Variants in VWA3B observed in about 807,000 individuals in gnomAD.
VWA3B encodes von Willebrand factor A domain containing 3B.
In VWA3B, 138 loss-of-function variants were observed where a neutral mutation model predicts 158.3. The observed-to-expected ratio is 0.87, with a 90% confidence interval of 0.76 to 1.00. VWA3B has a LOEUF of 1.00. VWA3B is among the 50% of genes least tolerant of loss of function. The pLI, the probability that VWA3B is intolerant of heterozygous loss-of-function variation, is 0.00. For missense variants in VWA3B, 1,555 were observed against 1,565.1 expected (o/e 0.99, Z 0.11); for synonymous variants, 596 against 587.3 (o/e 1.01, Z -0.21).
rs1410982402 is a variant in VWA3B at position 98,148,280 on chromosome 2, T to C, written c.988+14341T>C. Among the ~76,000 whole-genome samples, 3 of 152,224 alleles carry C rather than the reference T, an allele frequency of 2.0e-5. 1 individual carries two copies. In the East Asian group the frequency reaches 5.8e-4, roughly 29 times the overall value. ...AGCATAAAAATAGTATCTCATTGTT[T>C]CCATCTGAATTTCTTTGATGAAGAA... On this transcript the variant is annotated intron_variant, in intron 7 of 27. Transcript: ENST00000477737.
chr2:98,126,307 C>T (rs1419773833), intron 5 of VWA3B, among the ~76,000 whole-genome samples: 5 of 152,128 alleles, frequency 3.3e-5, no homozygotes, highest in Non-Finnish European at 7.4e-5. Flanking sequence ...GTGCATTGGA[C>T]GTGTGTGGTG....
intron 2 of VWA3B, among the ~76,000 whole-genome samples, chr2:98,112,280 GGGT>G (rs1419573614): frequency 7.4e-5 from 7 of 94,902 alleles, no homozygotes; most frequent in African/African-American, 5.4e-4. Flanking sequence ...TGTCTGTTTG[GGGT>G]GTGTGTGTGT....
intron 23 of VWA3B, among the ~76,000 whole-genome samples, chr2:98,294,490 G>A (rs1689687117): frequency 1.3e-5 from 2 of 152,250 alleles, no homozygotes; most frequent in East Asian, 1.9e-4. Flanking sequence ...TGTGACCAAC[G>A]TTATTCCAGG....
At chr2:98,230,747 G>A (rs2105702330) in intron 16 of VWA3B, among the ~76,000 whole-genome samples, 1 of 152,280 alleles carries the variant, frequency 6.6e-6, no homozygotes, top group East Asian at 1.9e-4. Context: ...TTGGGGGAAA[G>A]GATGCCTACT....
At chr2:98,132,870 T>C (rs2105045183) in intron 6 of VWA3B, among the ~76,000 whole-genome samples, 1 of 152,326 alleles carries the variant, frequency 6.6e-6, no homozygotes, top group East Asian at 1.9e-4. Flanking sequence ...TGAAACCCTT[T>C]GGGAAGAGAC....
chr2:98,109,000 T>C (rs1673916350), intron 2 of VWA3B, among the ~76,000 whole-genome samples: 1 of 150,744 alleles, frequency 6.6e-6, no homozygotes, highest in African/African-American at 2.4e-5. Context: ...TTTTCTTTTT[T>C]TTTTTTTTTG....
rs530263331 is a variant in VWA3B at position 98,306,273 on chromosome 2, T to C, written c.3521+2471T>C. On this transcript the variant is annotated intron_variant, in intron 26 of 27. Transcript: ENST00000477737. Reference sequence around the variant, plus strand: ...AGAAAATTTCCTTTGCATTGGACACTGTAGGCACAAGTCCTTGAAGGTAGG... The same window carrying C: ...AGAAAATTTCCTTTGCATTGGACACCGTAGGCACAAGTCCTTGAAGGTAGG... 3.3e-5 allele frequency among the ~76,000 whole-genome samples: 5 copies of C among 152,212 alleles called. No homozygotes were observed. In the East Asian group the frequency reaches 5.8e-4, roughly 18 times the overall value.
At chr2:98,268,703 T>C (rs1328075723) in intron 21 of VWA3B, among the ~76,000 whole-genome samples, 3 of 151,810 alleles carry the variant, frequency 2.0e-5, no homozygotes, top group Non-Finnish European at 2.9e-5. Flanking sequence ...GCTTTGTAAT[T>C]AGTATATTAA....
chr2:98,277,731 G>A (rs1319447467), intron 22 of VWA3B, among the ~76,000 whole-genome samples: 1 of 152,210 alleles, frequency 6.6e-6, no homozygotes, highest in African/African-American at 2.4e-5. Flanking sequence ...GCAGGCATGG[G>A]CGAGGCTGGA....
intron 20 of VWA3B, among the ~76,000 whole-genome samples, chr2:98,251,857 G>A (rs1686819424): frequency 6.6e-6 from 1 of 152,128 alleles, no homozygotes; most frequent in East Asian, 1.9e-4. Context: ...GAGAGTGGAG[G>A]CCGCCTTACG....
intron 10 of VWA3B, among the ~76,000 whole-genome samples, chr2:98,189,407 A>G (rs539212431): frequency 2.0e-5 from 3 of 152,288 alleles, no homozygotes; most frequent in Non-Finnish European, 4.4e-5. Context: ...TACTTCCCAA[A>G]TATTTGTGGA....
At chr2:98,200,542 CAAAAAAA>C (rs35030422) in intron 12 of VWA3B, among the ~76,000 whole-genome samples, 4 of 93,776 alleles carry the variant, frequency 4.3e-5, no homozygotes, top group Non-Finnish European at 8.9e-5. Context: ...GACTCCATCT[CAAAAAAA>C]AAAAAAAAAA....
intron 14 of VWA3B, among the ~76,000 whole-genome samples, chr2:98,218,692 G>A (rs190377087): frequency 1.3e-5 from 2 of 152,188 alleles, no homozygotes; most frequent in Admixed American, 6.5e-5. Flanking sequence ...CCCTTCTAGG[G>A]TGTGTGTTTT....
At chr2:98,178,955 G>T (rs1680242285) in intron 8 of VWA3B, among the ~76,000 whole-genome samples, 2 of 152,288 alleles carry the variant, frequency 1.3e-5, no homozygotes, top group East Asian at 1.9e-4. Flanking sequence ...GGGCTCCCGT[G>T]GTCCCAGTGG....
At chr2:98,092,966 A>G in intron 1 of VWA3B, 95 bp from the exon 2 acceptor site, 1 of 799,474 alleles carries the variant, frequency 1.3e-6, no homozygotes, top group African/African-American at 1.7e-5. Flanking sequence ...ATTCCACTTC[A>G]TGGGTGTACT....
chr2:98,129,145 G>A (rs1255027066), intron 6 of VWA3B, among the ~76,000 whole-genome samples: 2 of 152,086 alleles, frequency 1.3e-5, no homozygotes, highest in East Asian at 3.9e-4. Flanking sequence ...TCCCCGCCTT[G>A]TAGGCAGCTG....
chr2:98,182,177 T>G (rs1680643805), intron 9 of VWA3B, among the ~76,000 whole-genome samples: 1 of 151,824 alleles, frequency 6.6e-6, no homozygotes, highest in African/African-American at 2.4e-5. Flanking sequence ...GGAAAGAAAA[T>G]CAAGGCCCCC....
chr2:98,316,229 G>A (rs1574338831), downstream of VWA3B, among the ~76,000 whole-genome samples: 1 of 152,288 alleles, frequency 6.6e-6, no homozygotes, highest in East Asian at 1.9e-4. Flanking sequence ...GAAGGCAGTA[G>A]GCAGATTTTT....
Position 98,296,677 on chromosome 2 carries a change from G to A in VWA3B, c.3158-1230G>A, listed in dbSNP as rs773179246. ...CACATGCCGTGGAGCCCAGCGGGAC[G>A]CGTGTGCTCATTTCTGTCTCCAGGA... is the stretch of plus-strand genomic sequence containing the variant. On this transcript the variant is annotated intron_variant, in intron 23 of 27. Coordinates refer to ENST00000477737, the MANE Select transcript of VWA3B (RefSeq NM_144992.5). Among the ~76,000 whole-genome samples the A allele has an allele frequency of 4.6e-5, 7 of 152,178 alleles. No homozygotes were observed. In the East Asian group the frequency reaches 1.2e-3, roughly 25 times the overall value.
Sources: allele counts gnomAD v4.1 joint callset (sites outside exome capture counted in the v4.1 genomes callset), GRCh38; gene constraint gnomAD v4.1.1; transcripts MANE v1.5; gene names NCBI Gene and HGNC (gene_info 2026-07-23, HGNC 2026-07-21).